The following DOCK10 variants were observed in gnomAD, a reference collection of about 807,000 sequenced individuals.
DOCK10 encodes the protein dedicator of cytokinesis protein 10.
In DOCK10, 145 loss-of-function variants were observed where a neutral mutation model predicts 280.1. The observed-to-expected ratio is 0.52, with a 90% CI of 0.45 to 0.59. The LOEUF (loss-of-function observed/expected upper bound fraction) is 0.59, where lower values mean the gene tolerates loss of function less well. Ranked by LOEUF, DOCK10 falls within the 20% of genes least tolerant of loss-of-function variation. The probability of loss-of-function intolerance (pLI) is 0.00; values close to 1 mark genes in which losing one functional copy is unlikely to be tolerated. For missense variants in DOCK10, 2,368 were observed against 2,651.7 expected (o/e 0.89, Z 2.35); for synonymous variants, 915 against 942.2 (o/e 0.97, Z 0.53).
At chr2:225,034,369 T>C (rs1690165419) in intron 1 of DOCK10, among the ~76,000 whole-genome samples, 1 of 152,226 alleles carries the variant, frequency 6.6e-6, no homozygotes, top group Admixed American at 6.5e-5. Flanking sequence ...CATTTTGCCA[T>C]ATGGTTGCTA....
Position 224,806,265 on chromosome 2 carries a change from T to C in DOCK10, c.3703-28A>G, listed in dbSNP as rs536543233. 4 of 1,318,288 alleles carry C rather than the reference T, an allele frequency of 3.0e-6. No individual in the cohort carries two copies. In the South Asian group the frequency reaches 5.2e-5, roughly 17 times the overall value. 81.7% of individuals were successfully genotyped at this position (1,318,288 alleles called of 1,614,324 possible). On this transcript the variant is annotated intron_variant, in intron 33 of 55. Transcript: ENST00000258390. ...GTATTCAAAGTATAGTAAAGATTAA[T>C]GGGAATCATGGCATTTCAACATTGT...
At chr2:224,885,127 G>A (rs1432449995) in intron 7 of DOCK10, among the ~76,000 whole-genome samples, 1 of 152,168 alleles carries the variant, frequency 6.6e-6, no homozygotes, top group African/African-American at 2.4e-5. Flanking sequence ...AGCCTCCCCA[G>A]TAGCTGGGAT....
chr2:224,989,312 C>T (rs1190319273), intron 1 of DOCK10, among the ~76,000 whole-genome samples: 1 of 152,222 alleles, frequency 6.6e-6, no homozygotes, highest in Non-Finnish European at 1.5e-5. Context: ...GGGACCAAGG[C>T]ATAGGGTAGG....
At chr2:224,852,579 TA>T (rs1696816595) in intron 17 of DOCK10, 137 bp from the exon 18 acceptor site, 1 of 704,522 alleles carries the variant, frequency 1.4e-6, no homozygotes, top group South Asian at 2.0e-5. Context: ...ACATTATCCA[TA>T]ATCTTTTGAA....
intron 13 of DOCK10, among the ~76,000 whole-genome samples, chr2:224,863,534 G>C (rs1306941576): frequency 6.6e-6 from 1 of 151,940 alleles, no homozygotes; most frequent in Non-Finnish European, 1.5e-5. Context: ...CTCACTGCAA[G>C]CTCCGCCTCC....
intron 11 of DOCK10, among the ~76,000 whole-genome samples, chr2:224,873,198 G>A (rs1698400666): frequency 6.6e-6 from 1 of 152,112 alleles, no homozygotes; most frequent in African/African-American, 2.4e-5. Flanking sequence ...TAATGGCTGG[G>A]AAGTCACAGG....
At chr2:224,804,663 C>T (rs367743959) in intron 38 of DOCK10, 131 bp downstream of exon 38, 19 of 646,624 alleles carry the variant, frequency 2.9e-5, no homozygotes, top group Admixed American at 1.1e-4. Context: ...TCTAATGTGA[C>T]GTCAACCTAA....
rs1397194964 is a variant in DOCK10 at position 224,770,593 on chromosome 2, G to C, written c.6257C>G (p.Ala2086Gly). 12 of 1,613,878 alleles carry C rather than the reference G, an allele frequency of 7.4e-6. No homozygotes were observed. The change falls in exon 54 of 56, where the codon GCA becomes GGA. Residue 2086 changes from alanine (A) to glycine (G), a missense_variant. Physicochemically the swap from Ala to Gly is moderately conservative, Grantham distance 60 (BLOSUM62 0). Transcript: ENST00000258390. This position sits in a 1 kb window ranked among gnomAD's most constrained non-coding sequence, Gnocchi z 4.5. ...YARAFLEETN[A>G]KKYPDNQVKL... is the part of the protein sequence containing the mutation. ...TACTTGGTTGTCAGGGTACTTCTTT[G>C]CATTGGTTTCTTCAAGAAAAGCTCG...
intron 1 of DOCK10, among the ~76,000 whole-genome samples, chr2:224,958,470 C>G (rs554156703): frequency 3.3e-5 from 5 of 152,202 alleles, no homozygotes; most frequent in Non-Finnish European, 7.3e-5. Flanking sequence ...AACAGCCTCT[C>G]TTCCCCTGCA....
At chr2:224,855,835 C>T (rs1003105204) in intron 15 of DOCK10, among the ~76,000 whole-genome samples, 3 of 152,254 alleles carry the variant, frequency 2.0e-5, no homozygotes, top group East Asian at 3.9e-4. Context: ...TGCTTGACAG[C>T]TAAACACAGC....
chr2:224,856,740 A>T, intron 15 of DOCK10, 120 bp downstream of exon 15: 1 of 963,408 alleles, frequency 1.0e-6, no homozygotes, highest in East Asian at 2.7e-5. Context: ...AAGTCACCTG[A>T]AAAATATCTG....
chr2:224,823,733 T>G, intron 27 of DOCK10, 86 bp from the exon 28 acceptor site: 1 of 1,254,072 alleles, frequency 8.0e-7, no homozygotes, highest in Non-Finnish European at 1.1e-6. Context: ...TTACTTTATT[T>G]TATAGGTCAT....
intron 1 of DOCK10, among the ~76,000 whole-genome samples, chr2:225,023,787 C>T (rs57724287): frequency 0.054 from 8,261 of 152,112 alleles, 741 homozygotes; most frequent in African/African-American, 0.19. Flanking sequence ...ACCTAAATGC[C>T]CATCCACAGT....
chr2:225,025,083 A>G (rs1166617358), intron 1 of DOCK10, among the ~76,000 whole-genome samples: 1 of 152,196 alleles, frequency 6.6e-6, no homozygotes, highest in Non-Finnish European at 1.5e-5. Flanking sequence ...TCATTTATAG[A>G]AAAAGTAGAA....
At chr2:224,815,056 A>G (rs1694035938) in intron 30 of DOCK10, among the ~76,000 whole-genome samples, 1 of 152,152 alleles carries the variant, frequency 6.6e-6, no homozygotes, top group African/African-American at 2.4e-5. Context: ...TTGAATTGTA[A>G]TCCACACACG....
chr2:224,931,543 A>T lies in DOCK10; in HGVS notation c.243+6T>A. 1 of 1,603,380 alleles carries T rather than the reference A, an allele frequency of 6.2e-7. No homozygotes were observed. The highest frequency in any genetic ancestry group is 8.5e-7 in the Non-Finnish European group (1 of 1,174,578). ...AATCTAAATGGCTTGAGAAGAGAAG[A>T]CTTACTGAAAAGTCATCACTGGGGA... On this transcript the variant is annotated splice_donor_region_variant and intron_variant, in intron 2 of 55. Transcript: ENST00000258390.
At chr2:224,971,865 A>G (rs1418120487) in intron 1 of DOCK10, among the ~76,000 whole-genome samples, 2 of 152,202 alleles carry the variant, frequency 1.3e-5, no homozygotes, top group Admixed American at 1.3e-4. Flanking sequence ...TTGGCGTGAA[A>G]AAAACTATGA....
In DOCK10 at chr2:224,806,161, G is replaced by A. The variant is rs766248655; in HGVS notation, c.3779C>T (p.Thr1260Ile). ...ATTTAAAACATCTTTAGAAAATGATGTATCCACAGAGTTTGCATGTTTGAT... is the reference window on the plus strand; with the variant it reads ...ATTTAAAACATCTTTAGAAAATGATATATCCACAGAGTTTGCATGTTTGAT... ...TAIKHANSVD[T>I]SFSKDVLNSI... The change falls in exon 34 of 56, where the codon ACA (threonine) becomes ATA (isoleucine). Residue 1260 changes from threonine (T) to isoleucine (I), a missense_variant. Thr to Ile is a moderately conservative substitution (Grantham distance 89). Transcript: ENST00000258390. 1.9e-6 allele frequency: 3 copies of A among 1,609,936 alleles called. No individual in the cohort carries two copies. The South Asian group carries it at 3.3e-5, about 18-fold the overall frequency.
chr2:224,850,758 T>A (rs1184016712), intron 18 of DOCK10, among the ~76,000 whole-genome samples: 4 of 152,194 alleles, frequency 2.6e-5, no homozygotes, highest in African/African-American at 7.2e-5. Flanking sequence ...CTGATAGTTT[T>A]ATAAATGGCA....
Sources: gnomAD v4.1 joint callset for allele counts (sites outside exome capture counted in the v4.1 genomes callset) on GRCh38, gnomAD v4.1.1 for gene constraint, Gnocchi (gnomAD v3.1) non-coding constraint, MANE v1.5 for transcripts, NCBI Gene and HGNC (gene_info 2026-07-23, HGNC 2026-07-21) for gene names.